CSMD2: variants seen among roughly 807,000 people sequenced by gnomAD.
CSMD2 encodes the protein CUB and sushi domain-containing protein 2.
In CSMD2, 130 loss-of-function variants were observed where a neutral mutation model predicts 398.5. The observed-to-expected ratio is 0.33, with a 90% CI of 0.28 to 0.38. CSMD2 has a LOEUF of 0.38. CSMD2 is among the 10% of genes least tolerant of loss of function. The pLI is 1.00. For synonymous variants in CSMD2, 1,828 were observed against 1,908.5 expected (o/e 0.96, Z 1.10); for missense variants, 3,829 against 4,764.9 (o/e 0.80, Z 5.78).
chr1:34,148,250 C>T (rs1347608873), intron 1 of CSMD2, among the ~76,000 whole-genome samples: 2 of 152,150 alleles, frequency 1.3e-5, no homozygotes, highest in African/African-American at 4.8e-5. Flanking sequence ...GGCTTTCAAA[C>T]CAAAGATTTC....
chr1:33,540,652 C>T lies in CSMD2; in HGVS notation c.9504G>A (p.Val3168=). 1.2e-6 allele frequency: 2 copies of T among 1,614,204 alleles called. No individual in the cohort carries two copies. The highest frequency in any genetic ancestry group is 1.7e-6 in the Non-Finnish European group (2 of 1,180,038). ...TTGAGCCCCACATGAAGTCAGACCCCACCACCTTCCCATTGGGGATGAGCG... is the reference window on the plus strand; with the variant it reads ...TTGAGCCCCACATGAAGTCAGACCCTACCACCTTCCCATTGGGGATGAGCG... ...PPPLIPNGKV[V]GSDFMWGSSV... Residue 3168 remains valine (V), a synonymous_variant, in exon 60 of 71, where the codon GTG becomes GTA. Coordinates refer to ENST00000373381, the MANE Select transcript of CSMD2 (RefSeq NM_001281956.2).
intron 3 of CSMD2, among the ~76,000 whole-genome samples, chr1:34,003,513 A>C (rs574701582): frequency 3.3e-4 from 50 of 152,320 alleles, no homozygotes; most frequent in African/African-American, 1.2e-3. Context: ...AATAGCTACC[A>C]TTTATTGATT....
At chr1:33,667,072 T>A (rs1416244535) in intron 25 of CSMD2, among the ~76,000 whole-genome samples, 1 of 152,186 alleles carries the variant, frequency 6.6e-6, no homozygotes, top group Non-Finnish European at 1.5e-5. Flanking sequence ...TAGGATGCCA[T>A]AGAGAATACA....
At chr1:33,546,321 G>A in intron 56 of CSMD2, 102 bp from the exon 57 acceptor site, 1 of 1,206,802 alleles carries the variant, frequency 8.3e-7, no homozygotes, top group Non-Finnish European at 1.1e-6. Context: ...GGGATGCAGT[G>A]GGTCCCACGA....
chr1:33,707,699 A>ACGCGCGCGCG (rs1645847609), intron 22 of CSMD2, among the ~76,000 whole-genome samples: 1 of 20,056 alleles, frequency 5.0e-5, no homozygotes, highest in Non-Finnish European at 8.9e-5. Flanking sequence ...GCGCGCGCAC[A>ACGCGCGCGCG]CACACACACA....
rs931136413 is a variant in CSMD2, at chr1:33,546,133, G to C, written c.9004C>G (p.Arg3002Gly). Residue 3002 changes from arginine to glycine, a missense_variant, in exon 57 of 71, where the codon CGC (arginine) becomes GGC (glycine). Physicochemically the swap from Arg to Gly is moderately radical, Grantham distance 125. This residue lies in a region of CSMD2 where 917 missense variants were observed against 1,199.5 expected (regional missense o/e 0.76). Coordinates refer to ENST00000373381, the MANE Select transcript of CSMD2 (RefSeq NM_001281956.2). Reference sequence around the variant, plus strand: ...ACGTGGCCAGCTTCACAGCTGAAGCGCATCACAGTGCCTGGATCAAAGCTG... The same window carrying C: ...ACGTGGCCAGCTTCACAGCTGAAGCCCATCACAGTGCCTGGATCAAAGCTG... ...GDSFDPGTVM[R>G]FSCEAGHVLR... 6.2e-7 allele frequency: 1 copy of C among 1,614,196 alleles called. No homozygotes were observed. Among genetic ancestry groups the C allele is most frequent in the East Asian group, 2.2e-5 (1 of 44,886 alleles).
At chr1:34,034,327 A>C (rs922611581) in intron 2 of CSMD2, among the ~76,000 whole-genome samples, 10 of 152,090 alleles carry the variant, frequency 6.6e-5, no homozygotes, top group African/African-American at 2.4e-4. Context: ...GGACGGATTC[A>C]GGGTATGGGG....
At chr1:33,959,644 G>A (rs552737070) in intron 3 of CSMD2, among the ~76,000 whole-genome samples, 2 of 152,178 alleles carry the variant, frequency 1.3e-5, no homozygotes, top group Admixed American at 6.5e-5. Context: ...CCTTCCATAG[G>A]GGCCTTCAGG....
intron 7 of CSMD2, among the ~76,000 whole-genome samples, chr1:33,824,569 C>T (rs919359779): frequency 3.3e-5 from 5 of 152,152 alleles, no homozygotes; most frequent in African/African-American, 4.8e-5. Context: ...CCACACACAT[C>T]GGCACAGAGC....
In CSMD2 at chr1:33,633,674, G is replaced by C. The variant is rs1005767556; in HGVS notation, c.5087-139C>G. 6.2e-5 allele frequency: 40 copies of C among 649,738 alleles called. No individual in the cohort carries two copies. The highest frequency in any genetic ancestry group is 1.1e-4 in the Non-Finnish European group (38 of 361,342). 40.2% of individuals were successfully genotyped at this position (649,738 alleles called of 1,614,324 possible). A position where few individuals can be genotyped will look rare whatever the true frequency, so the allele number is the denominator to read the frequency against. On this transcript the variant is annotated intron_variant, in intron 31 of 70. Coordinates refer to ENST00000373381, the MANE Select transcript of CSMD2 (RefSeq NM_001281956.2). The surrounding 1 kb of genome is among the most constrained non-coding windows in gnomAD (Gnocchi z 5.0). The stretch of plus-strand genomic sequence containing the variant: ...TCCTGGGCTGTGGCTTGCTGCACTG[G>C]TTAGTGCAGTGGCACAGTCTGGCAG...
At chr1:33,989,237 T>G (rs1646470240) in intron 3 of CSMD2, among the ~76,000 whole-genome samples, 1 of 151,524 alleles carries the variant, frequency 6.6e-6, no homozygotes, top group South Asian at 2.1e-4. Flanking sequence ...GGTGAAAAAA[T>G]GTTTATCCTC....
At chr1:33,568,199 T>TTTTTTTTTTTTTTTTA (rs1659244718) in intron 52 of CSMD2, among the ~76,000 whole-genome samples, 1 of 151,344 alleles carries the variant, frequency 6.6e-6, no homozygotes, top group African/African-American at 2.4e-5. Context: ...CTTTTTTTTT[T>TTTTTTTTTTTTTTTTA]TTTTTTGAGA....
chr1:34,061,372 G>A (rs1654485944), intron 2 of CSMD2, among the ~76,000 whole-genome samples: 2 of 152,094 alleles, frequency 1.3e-5, no homozygotes, highest in Non-Finnish European at 2.9e-5. Context: ...ACTTTGGATT[G>A]GCCCCGTTTC....
At chr1:33,689,759 TGAA>T (rs1216868401) in intron 25 of CSMD2, among the ~76,000 whole-genome samples, 1 of 152,154 alleles carries the variant, frequency 6.6e-6, no homozygotes, top group Non-Finnish European at 1.5e-5. Flanking sequence ...CATCTAGAAA[TGAA>T]GTATCATGAT....
intron 3 of CSMD2, among the ~76,000 whole-genome samples, chr1:33,991,896 GA>G: frequency 1.3e-5 from 2 of 149,560 alleles, no homozygotes; most frequent in African/African-American, 4.9e-5. Context: ...ATACCCAACA[GA>G]AAAAAAATGG....
intron 42 of CSMD2, 151 bp downstream of exon 42, chr1:33,605,131 C>A (rs1164259663): frequency 1.3e-6 from 1 of 749,774 alleles, no homozygotes; most frequent in Admixed American, 2.7e-5. Context: ...AGAGGCTGGG[C>A]CACACCATGT....
At chr1:33,810,594 T>A in intron 10 of CSMD2, 149 bp downstream of exon 10, 4 of 690,714 alleles carry the variant, frequency 5.8e-6, no homozygotes, top group South Asian at 2.1e-5. Context: ...CTGCTTTTTA[T>A]CCACTCGATA....
At chr1:34,079,547 C>A (rs369169369) in intron 2 of CSMD2, among the ~76,000 whole-genome samples, 1 of 152,122 alleles carries the variant, frequency 6.6e-6, no homozygotes, top group African/African-American at 2.4e-5. Context: ...CTCTGCCTTG[C>A]CTGACCCCCT....
intron 13 of CSMD2, among the ~76,000 whole-genome samples, chr1:33,753,214 C>T (rs868723257): frequency 2.6e-5 from 4 of 152,210 alleles, no homozygotes; most frequent in African/African-American, 7.2e-5. Flanking sequence ...AAGGCCTTGA[C>T]GGCATTTCAG....
Sources: gnomAD v4.1 joint callset for allele counts (sites outside exome capture counted in the v4.1 genomes callset) on GRCh38, gnomAD v4.1.1 for gene constraint, gnomAD v4.1.1 regional missense constraint, Gnocchi (gnomAD v3.1) non-coding constraint, MANE v1.5 for transcripts, NCBI Gene and HGNC (gene_info 2026-07-23, HGNC 2026-07-21) for gene names.